MYO16: variants seen among roughly 807,000 people sequenced by gnomAD.
MYO16 encodes the protein unconventional myosin-XVI.
Under a neutral mutation model 205.3 loss-of-function variants are expected in MYO16, and 94 were observed. That is an observed-to-expected ratio of 0.46 (90% CI 0.39 to 0.54). MYO16 has a LOEUF of 0.54. Among genes scored for constraint, MYO16 ranks in the 20% least tolerant of loss-of-function variants. The pLI is 0.00. For synonymous variants in MYO16, 988 were observed against 954.0 expected (o/e 1.04, Z -0.66); for missense variants, 2,315 against 2,387.5 (o/e 0.97, Z 0.63).
chr13:109,124,532 A>G (rs1876145685), intron 29 of MYO16, among the ~76,000 whole-genome samples: 1 of 152,156 alleles, frequency 6.6e-6, no homozygotes, highest in Admixed American at 6.6e-5. Flanking sequence ...TATTGATTTC[A>G]AAGCATTTTC....
intron 3 of MYO16, among the ~76,000 whole-genome samples, chr13:108,726,980 A>G (rs1457496972): frequency 6.6e-6 from 1 of 151,198 alleles, no homozygotes; most frequent in Non-Finnish European, 1.5e-5. Context: ...GGATTAAGTT[A>G]GAGGGATTCT....
chr13:108,894,795 C>G (rs1880334191), intron 14 of MYO16, among the ~76,000 whole-genome samples: 1 of 152,144 alleles, frequency 6.6e-6, no homozygotes, highest in African/African-American at 2.4e-5. Flanking sequence ...TGGCTTTGTT[C>G]CCCCACAAAG....
At chr13:109,155,281 T>A (rs1365909624) in intron 32 of MYO16, among the ~76,000 whole-genome samples, 1 of 152,090 alleles carries the variant, frequency 6.6e-6, no homozygotes. Flanking sequence ...GACATTTCCA[T>A]TCCTCCCCGC....
chr13:108,991,423 C>A (rs1555321240), intron 20 of MYO16, among the ~76,000 whole-genome samples: 1 of 152,168 alleles, frequency 6.6e-6, no homozygotes, highest in Non-Finnish European at 1.5e-5. Flanking sequence ...CTGCTTTTTT[C>A]ATTCTTCTTT....
chr13:108,632,078 CAAA>C (rs59971095), intron 1 of MYO16, among the ~76,000 whole-genome samples: 13 of 67,236 alleles, frequency 1.9e-4, no homozygotes, highest in South Asian at 5.1e-4. Context: ...AACCCCAACT[CAAA>C]AAAAAAAAAA....
intron 27 of MYO16, among the ~76,000 whole-genome samples, chr13:109,059,224 A>T (rs1887508547): frequency 6.6e-6 from 1 of 152,188 alleles, no homozygotes; most frequent in Non-Finnish European, 1.5e-5. Flanking sequence ...AGCATTTAGA[A>T]TGGTGAATAC....
intron 9 of MYO16, among the ~76,000 whole-genome samples, chr13:108,827,514 G>T (rs1021451668): frequency 6.6e-6 from 1 of 152,074 alleles, no homozygotes; most frequent in Non-Finnish European, 1.5e-5. Flanking sequence ...CATATTTCAC[G>T]TTTTCTAAGG....
intron 15 of MYO16, among the ~76,000 whole-genome samples, chr13:108,905,864 A>C (rs1880947238): frequency 6.6e-6 from 1 of 152,240 alleles, no homozygotes; most frequent in East Asian, 1.9e-4. Flanking sequence ...CAGAATGTGC[A>C]GAGGGCCAAA....
chr13:108,729,430 T>G (rs1476814104), intron 4 of MYO16, among the ~76,000 whole-genome samples: 1 of 152,220 alleles, frequency 6.6e-6, no homozygotes, highest in African/African-American at 2.4e-5. Flanking sequence ...ATAGTTCAAC[T>G]AGCTGCTTTA....
At chr13:108,866,312 A>C in intron 12 of MYO16, 70 bp downstream of exon 12, 1 of 950,818 alleles carries the variant, frequency 1.1e-6, no homozygotes, top group Admixed American at 2.7e-5. Flanking sequence ...TGTTTGTATC[A>C]AATGACTAAA....
chr13:108,738,809 A>G (rs575087090), intron 4 of MYO16, among the ~76,000 whole-genome samples: 1 of 152,214 alleles, frequency 6.6e-6, no homozygotes. Flanking sequence ...TGCTTTATGA[A>G]TCTGGGTGCT....
At chr13:109,164,398 T>C (rs1020768218) in intron 32 of MYO16, among the ~76,000 whole-genome samples, 1 of 152,242 alleles carries the variant, frequency 6.6e-6, no homozygotes. Context: ...TAAGTAATTA[T>C]CTTAGTGTGC....
At position 108,900,586 on chromosome 13, in the gene MYO16, A is replaced by G. The variant is rs557146613; in HGVS notation, c.1777+2453A>G. 2.0e-5 allele frequency among the ~76,000 whole-genome samples: 3 copies of G among 152,312 alleles called. No individual in the cohort carries two copies. In the South Asian group the frequency reaches 6.2e-4, roughly 32 times the overall value. On this transcript the variant is annotated intron_variant, in intron 15 of 34. Transcript: ENST00000457511. Reference sequence around the variant, plus strand: ...AACATAAATTGTGAAGATTTCATGGACACTTATCACTTCCCCAATCAATAC... The same window carrying G: ...AACATAAATTGTGAAGATTTCATGGGCACTTATCACTTCCCCAATCAATAC...
intron 21 of MYO16, among the ~76,000 whole-genome samples, chr13:108,996,426 A>G (rs997930447): frequency 4.6e-5 from 7 of 152,228 alleles, no homozygotes; most frequent in Middle Eastern, 3.2e-3. Context: ...TATAAAAGCT[A>G]TAATTAAAGT....
chr13:108,997,818 A>G (rs1442895896), intron 21 of MYO16, among the ~76,000 whole-genome samples: 1 of 152,232 alleles, frequency 6.6e-6, no homozygotes, highest in Non-Finnish European at 1.5e-5. Context: ...AGCCTGGGCA[A>G]CAAGAGTGAA....
chr13:109,115,885 A>G (rs973537477), intron 28 of MYO16, among the ~76,000 whole-genome samples: 6 of 152,220 alleles, frequency 3.9e-5, no homozygotes, highest in African/African-American at 1.4e-4. Flanking sequence ...TTTCTGAGGA[A>G]GAACTGCAAA....
chr13:108,927,873 C>T (rs1020239929), intron 16 of MYO16, among the ~76,000 whole-genome samples: 9 of 152,220 alleles, frequency 5.9e-5, no homozygotes, highest in African/African-American at 1.4e-4. Flanking sequence ...ACCGGGCCAA[C>T]GCGTGCACCT....
intron 31 of MYO16, among the ~76,000 whole-genome samples, chr13:109,136,088 T>A (rs1475614834): frequency 6.6e-6 from 1 of 151,692 alleles, no homozygotes; most frequent in East Asian, 1.9e-4. Flanking sequence ...TTTCCTTCCT[T>A]CCTTCCTTCC....
At chr13:108,536,601 A>T in the MYO16 span, among the ~76,000 whole-genome samples, 5 of 152,244 alleles carry the variant, frequency 3.3e-5, no homozygotes, top group South Asian at 1.0e-3. Context: ...TTGTTCACTC[A>T]TCACTTAATA....
Sources: gnomAD v4.1 joint callset for allele counts (sites outside exome capture counted in the v4.1 genomes callset) on GRCh38, gnomAD v4.1.1 for gene constraint, MANE v1.5 for transcripts, NCBI Gene and HGNC (gene_info 2026-07-23, HGNC 2026-07-21) for gene names.